Variants in IMPG2 observed in about 807,000 individuals in gnomAD.
The protein encoded by IMPG2 is interphotoreceptor matrix proteoglycan 2.
A neutral mutation model predicts 129.2 loss-of-function variants in IMPG2; 91 were observed. That is an observed-to-expected ratio of 0.70 (90% CI 0.59 to 0.84). The LOEUF (loss-of-function observed/expected upper bound fraction) is 0.84, where lower values mean the gene tolerates loss of function less well. Ranked by LOEUF, IMPG2 falls within the 40% of genes least tolerant of loss-of-function variation. The pLI is 0.00. For synonymous variants in IMPG2, 510 were observed against 517.7 expected (o/e 0.99, Z 0.20); for missense variants, 1,430 against 1,461.7 (o/e 0.98, Z 0.35).
intron 3 of IMPG2, 89 bp from the exon 4 acceptor site, chr3:101,291,599 C>A: frequency 1.1e-6 from 1 of 886,284 alleles, no homozygotes; most frequent in Non-Finnish European, 1.9e-6. Flanking sequence ...CACTACTGCC[C>A]TACCATGGTA....
chr3:101,318,175 A>C (rs2058794806), intron 2 of IMPG2, among the ~76,000 whole-genome samples: 1 of 146,932 alleles, frequency 6.8e-6, no homozygotes, highest in Admixed American at 6.8e-5. Flanking sequence ...AATAATAATA[A>C]TAATAATAAT....
At chr3:101,255,096 T>C (rs1706584291) in intron 10 of IMPG2, among the ~76,000 whole-genome samples, 1 of 152,104 alleles carries the variant, frequency 6.6e-6, no homozygotes, top group Non-Finnish European at 1.5e-5. Context: ...GTAAGTCAAT[T>C]AAACCTCTTT....
chr3:101,245,677 T>C (rs1355041455), intron 12 of IMPG2, 125 bp downstream of exon 12: 1 of 890,682 alleles, frequency 1.1e-6, no homozygotes, highest in African/African-American at 1.7e-5. Context: ...CACACAATTT[T>C]ACCAAGACAT....
chr3:101,256,156 A>AGAAG (rs1706600700), intron 10 of IMPG2, among the ~76,000 whole-genome samples: 1 of 128,196 alleles, frequency 7.8e-6, no homozygotes, highest in African/African-American at 3.0e-5. Flanking sequence ...AAAGAAAGAA[A>AGAAG]GAAAGAAAGA....
At position 101,312,552 on chromosome 3, in the gene IMPG2, C is replaced by T. The variant is rs140358193; in HGVS notation, c.334+7032G>A. On this transcript the variant is annotated intron_variant, in intron 2 of 18. Coordinates refer to ENST00000193391, the MANE Select transcript of IMPG2 (RefSeq NM_016247.4). Reference sequence around the variant, plus strand: ...TGGCAAAGATATGACTAAATCAGAACCCCCATACACTGCTGGTGGGATATA... The same window carrying T: ...TGGCAAAGATATGACTAAATCAGAATCCCCATACACTGCTGGTGGGATATA... Among the ~76,000 whole-genome samples, 52 of 151,992 alleles carry T rather than the reference C, an allele frequency of 3.4e-4. 1 individual carries two copies. The highest frequency in any genetic ancestry group is 1.2e-3 in the African/African-American group (51 of 41,488).
Position 101,319,913 on chromosome 3 carries a change from G to C in IMPG2, c.86-81C>G. ...AACAACTAAAGAAAAACTGACACTTGGGCTACATTAAGATAGAGAAGCCAG... is the reference window on the plus strand; with the variant it reads ...AACAACTAAAGAAAAACTGACACTTCGGCTACATTAAGATAGAGAAGCCAG... On this transcript the variant is annotated intron_variant, in intron 1 of 18. Transcript: ENST00000193391. 6.2e-6 allele frequency: 9 copies of C among 1,450,542 alleles called. No individual in the cohort carries two copies. The South Asian group carries it at 1.0e-4, about 17-fold the overall frequency. The allele number at this position is 1,450,542 out of a possible 1,614,324, so 89.9% of individuals were successfully genotyped here.
At chr3:101,282,912 C>T (rs528024491) in intron 4 of IMPG2, among the ~76,000 whole-genome samples, 15 of 152,294 alleles carry the variant, frequency 9.8e-5, no homozygotes, top group South Asian at 4.1e-4. Flanking sequence ...TCCAATTTTA[C>T]GAACAAATGT....
chr3:101,240,997 C>T (rs567831432), intron 14 of IMPG2, among the ~76,000 whole-genome samples: 1 of 152,144 alleles, frequency 6.6e-6, no homozygotes, highest in Non-Finnish European at 1.5e-5. Flanking sequence ...TCTCTGCATC[C>T]AAGGCTTCCA....
In IMPG2 at chr3:101,234,175, C is replaced by A. The variant is rs570775748; in HGVS notation, c.3023-1184G>T. Among the ~76,000 whole-genome samples the A allele has an allele frequency of 5.4e-5, 8 of 149,046 alleles. No individual in the cohort carries two copies. In the South Asian group the frequency reaches 1.3e-3, roughly 25 times the overall value. On this transcript the variant is annotated intron_variant, in intron 14 of 18. Coordinates refer to ENST00000193391, the MANE Select transcript of IMPG2 (RefSeq NM_016247.4). ...GTAATCAAGTTAAGAAGAGGCCATA[C>A]GAGATTAGAATGAGCCCTAATGCAA...
intron 3 of IMPG2, among the ~76,000 whole-genome samples, chr3:101,302,683 C>T (rs1193113130): frequency 6.6e-6 from 1 of 152,248 alleles, no homozygotes; most frequent in South Asian, 2.1e-4. Flanking sequence ...TGATACATGA[C>T]ATGGTACATG....
intron 10 of IMPG2, among the ~76,000 whole-genome samples, chr3:101,256,213 G>GAAAGAAAGAA (rs1559646475): frequency 2.1e-5 from 3 of 140,958 alleles, no homozygotes; most frequent in Admixed American, 7.0e-5. Context: ...AAGAAAGAAA[G>GAAAGAAAGAA]AAAGAAAAAA....
intron 14 of IMPG2, 114 bp downstream of exon 14, chr3:101,242,574 T>C (rs1576747387): frequency 5.0e-6 from 4 of 801,470 alleles, no homozygotes; most frequent in Non-Finnish European, 8.7e-6. Context: ...TTGTCTGACA[T>C]AGTACTCTTT....
Position 101,244,697 on chromosome 3 carries a change from A to G in IMPG2, c.1634T>C (p.Ile545Thr), listed in dbSNP as rs769224314. The G allele has an allele frequency of 2.5e-6, 4 of 1,614,050 alleles. 1 individual carries two copies. In the South Asian group the frequency reaches 4.4e-5, roughly 18 times the overall value. Reference protein sequence around the residue: ...SFTQPVPKETIPSMEDSDVSL... With the variant: ...SFTQPVPKETTPSMEDSDVSL... ...CACATCAGAGTCTTCCATGGATGGT[A>G]TTGTTTCTTTTGGCACAGGTTGAGT... Residue 545 changes from isoleucine (I) to threonine (T), a missense_variant, in exon 13 of 19, where the codon ATA becomes ACA. By Grantham distance (89) the Ile-to-Thr change is moderately conservative. Transcript: ENST00000193391.
intron 4 of IMPG2, among the ~76,000 whole-genome samples, chr3:101,287,826 C>T (rs536256635): frequency 2.0e-5 from 3 of 152,072 alleles, no homozygotes; most frequent in Non-Finnish European, 4.4e-5. Context: ...TCAACATTGG[C>T]CTTGGCAAAG....
At chr3:101,236,567 G>T (rs1706348073) in intron 14 of IMPG2, among the ~76,000 whole-genome samples, 1 of 152,176 alleles carries the variant, frequency 6.6e-6, no homozygotes, top group Non-Finnish European at 1.5e-5. Context: ...AAAGTAGGGT[G>T]GTGCGTCACC....
chr3:101,278,003 G>T (rs1706856175), intron 4 of IMPG2, among the ~76,000 whole-genome samples: 1 of 115,718 alleles, frequency 8.6e-6, no homozygotes. Context: ...GAGAGGTCCA[G>T]GCGGGTCAAT....
chr3:101,273,631 C>G lies in IMPG2; in HGVS notation c.778G>C (p.Asp260His), dbSNP rs1430836624. The G allele has an allele frequency of 6.2e-7, 1 of 1,613,898 alleles. No individual in the cohort carries two copies. The highest frequency in any genetic ancestry group is 8.5e-7 in the Non-Finnish European group (1 of 1,179,990). The change falls in exon 7 of 19, where the codon GAT (aspartate) becomes CAT (histidine). Residue 260 changes from aspartate to histidine, a missense_variant. By Grantham distance (81) the Asp-to-His change is moderately conservative (BLOSUM62 -1). Transcript: ENST00000193391. The stretch of plus-strand genomic sequence containing the variant: ...TGCTGGTGGTGAAAGCTGGAGGAAT[C>G]CTGTAGTTCTTCCCTGTACTGCTTC... ...LGKQYREELQDSSSFHHQHLE... is the reference protein window; with the variant it reads ...LGKQYREELQHSSSFHHQHLE...
At chr3:101,277,993 G>A (rs1308207930) in intron 4 of IMPG2, among the ~76,000 whole-genome samples, 1 of 149,018 alleles carries the variant, frequency 6.7e-6, no homozygotes, top group African/African-American at 2.5e-5. Flanking sequence ...CCAGCACTTT[G>A]AGAGGTCCAG....
intron 6 of IMPG2, among the ~76,000 whole-genome samples, chr3:101,275,096 A>C (rs1706827212): frequency 1.3e-5 from 2 of 151,776 alleles, no homozygotes; most frequent in Admixed American, 1.3e-4. Context: ...TGAACCCCCT[A>C]ATTTTTTAAA....
Sources: allele counts gnomAD v4.1 joint callset (sites outside exome capture counted in the v4.1 genomes callset), GRCh38; gene constraint gnomAD v4.1.1; transcripts MANE v1.5; gene names NCBI Gene and HGNC (gene_info 2026-07-23, HGNC 2026-07-21).